SEPTIN7: variants seen among roughly 807,000 people sequenced by gnomAD.
SEPTIN7 encodes the protein septin 7.
In SEPTIN7, 10 loss-of-function variants were observed where a neutral mutation model predicts 63.3. The observed-to-expected ratio is 0.16, with a 90% confidence interval of 0.10 to 0.27. The LOEUF (loss-of-function observed/expected upper bound fraction) is 0.27, where lower values mean the gene tolerates loss of function less well. SEPTIN7 is among the 10% of genes least tolerant of loss of function. The probability of loss-of-function intolerance (pLI) is 1.00; values close to 1 mark genes in which losing one functional copy is unlikely to be tolerated. For missense variants in SEPTIN7, 310 were observed against 521.0 expected (o/e 0.59, Z 3.94); for synonymous variants, 131 against 165.3 (o/e 0.79, Z 1.59).
chr7:35,824,430 G>C (rs2115822733), intron 1 of SEPTIN7, among the ~76,000 whole-genome samples: 2 of 152,180 alleles, frequency 1.3e-5, no homozygotes, highest in East Asian at 3.9e-4. Context: ...GCTGTATTTG[G>C]ATTCATATCC....
chr7:35,915,693 G>A, the SEPTIN7 span, among the ~76,000 whole-genome samples: 1 of 152,146 alleles, frequency 6.6e-6, no homozygotes, highest in Non-Finnish European at 1.5e-5. Context: ...CCGCAAACAG[G>A]CCTTGTTCCT....
the SEPTIN7 span, among the ~76,000 whole-genome samples, chr7:35,912,824 T>C: frequency 6.6e-6 from 1 of 152,274 alleles, no homozygotes; most frequent in East Asian, 1.9e-4. Context: ...TTAATAATAG[T>C]ACTTACTTTA....
chr7:35,903,604 T>A (rs893093669), intron 13 of SEPTIN7, among the ~76,000 whole-genome samples: 1 of 152,196 alleles, frequency 6.6e-6, no homozygotes, highest in Non-Finnish European at 1.5e-5. Flanking sequence ...GTTTTAACTG[T>A]TGAATTATGT....
In SEPTIN7 at chr7:35,906,500, C is replaced by T. The variant is rs573191774; in HGVS notation, c.*2207C>T. ...GCAAAATGGCAGTGTCTGTTCTCCA[C>T]TGTTGGAGGCATTATGTAATTTAAG... On this transcript the variant is annotated 3_prime_UTR_variant, in exon 14 of 14. Coordinates refer to ENST00000350320, the MANE Select transcript of SEPTIN7 (RefSeq NM_001788.6). The T allele has an allele frequency of 6.6e-6, 1 of 152,362 alleles. No individual in the cohort carries two copies. Among genetic ancestry groups the T allele is most frequent in the East Asian group, 1.9e-4 (1 of 5,192 alleles). 9.4% of individuals were successfully genotyped at this position (152,362 alleles called of 1,614,324 possible). A position where few individuals can be genotyped will look rare whatever the true frequency, so the allele number is the denominator to read the frequency against.
chr7:35,841,342 G>C (rs1047420986), intron 3 of SEPTIN7, among the ~76,000 whole-genome samples: 1 of 152,232 alleles, frequency 6.6e-6, no homozygotes, highest in South Asian at 2.1e-4. Context: ...AAAGTCATCA[G>C]TGTGATTTTA....
chr7:35,899,715 C>A (rs1239377819), intron 12 of SEPTIN7: 1 of 151,934 alleles, frequency 6.6e-6, no homozygotes, highest in Non-Finnish European at 1.5e-5. Context: ...AGACCCAATC[C>A]CTATAAAAAA....
At chr7:35,888,192 C>G (rs79415469) in intron 10 of SEPTIN7, among the ~76,000 whole-genome samples, 1,742 of 152,152 alleles carry the variant, frequency 0.011, 15 homozygotes, top group Middle Eastern at 0.02. Flanking sequence ...ATTCCTGAAA[C>G]TGTGGGGAAA....
intron 3 of SEPTIN7, among the ~76,000 whole-genome samples, chr7:35,856,759 G>C (rs78514487): frequency 6.6e-6 from 1 of 152,054 alleles, no homozygotes; most frequent in African/African-American, 2.4e-5. Flanking sequence ...GTGGGGAGAT[G>C]GTCTTGGTTA....
chr7:35,808,432 ATTC>A (rs546274011), intron 1 of SEPTIN7, among the ~76,000 whole-genome samples: 1 of 152,192 alleles, frequency 6.6e-6, no homozygotes, highest in Non-Finnish European at 1.5e-5. Context: ...GAGCATTCTT[ATTC>A]TTTTATACAG....
chr7:35,865,157 A>T (rs1443431944), intron 4 of SEPTIN7, among the ~76,000 whole-genome samples: 1 of 152,146 alleles, frequency 6.6e-6, no homozygotes, highest in Non-Finnish European at 1.5e-5. Context: ...AAGCAAGAAA[A>T]TGAACTTTGA....
intron 7 of SEPTIN7, among the ~76,000 whole-genome samples, chr7:35,880,604 T>C (rs1304250280): frequency 6.6e-6 from 1 of 152,104 alleles, no homozygotes; most frequent in East Asian, 1.9e-4. Context: ...GGGTTCTTTT[T>C]ATTCTGGATA....
At chr7:35,830,260 G>A (rs1405180773) in intron 1 of SEPTIN7, among the ~76,000 whole-genome samples, 1 of 152,094 alleles carries the variant, frequency 6.6e-6, no homozygotes, top group African/African-American at 2.4e-5. Flanking sequence ...CTGTATGTTT[G>A]GGGGGTAGTT....
intron 4 of SEPTIN7, among the ~76,000 whole-genome samples, chr7:35,868,134 C>T (rs1219532398): frequency 2.0e-5 from 3 of 152,002 alleles, no homozygotes; most frequent in Non-Finnish European, 4.4e-5. Flanking sequence ...CCTCCGAAAG[C>T]GCTGGGATTA....
At chr7:35,911,524 A>T (rs1297519168), downstream of SEPTIN7, among the ~76,000 whole-genome samples, 1 of 152,246 alleles carries the variant, frequency 6.6e-6, no homozygotes, top group African/African-American at 2.4e-5. Context: ...CTATGGAATC[A>T]TTATTAATTG....
chr7:35,826,744 A>T (rs926205863), intron 1 of SEPTIN7, among the ~76,000 whole-genome samples: 10 of 152,118 alleles, frequency 6.6e-5, no homozygotes, highest in Admixed American at 1.3e-4. Context: ...AAGCATATTT[A>T]ATAGTTTTCA....
At chr7:35,913,405 CTCTT>C in the SEPTIN7 span, among the ~76,000 whole-genome samples, 5 of 149,676 alleles carry the variant, frequency 3.3e-5, no homozygotes, top group African/African-American at 4.9e-5. Context: ...TTCTTTCTTT[CTCTT>C]TCTTTCTTTC....
intron 10 of SEPTIN7, among the ~76,000 whole-genome samples, chr7:35,889,730 G>A (rs1459565585): frequency 1.3e-5 from 2 of 152,106 alleles, no homozygotes; most frequent in African/African-American, 4.8e-5. Flanking sequence ...TTTTAGTAGA[G>A]ATGGGGTTCC....
intron 1 of SEPTIN7, among the ~76,000 whole-genome samples, chr7:35,824,897 T>C (rs1399501613): frequency 2.6e-5 from 4 of 152,128 alleles, no homozygotes; most frequent in African/African-American, 7.2e-5. Context: ...TTGATTCTTA[T>C]ACTAAGTCTT....
chr7:35,904,588 T>G lies in SEPTIN7; in HGVS notation c.*295T>G. On this transcript the variant is annotated 3_prime_UTR_variant, in exon 14 of 14. Transcript: ENST00000350320. ...AGAACATTTTACTGTTGTACAATCA[T>G]GTTCTGGTGGTTTGATTGTTTACAG... is the stretch of plus-strand genomic sequence containing the variant. 1 of 231,032 alleles carries G rather than the reference T, an allele frequency of 4.3e-6. No homozygotes were observed. The highest frequency in any genetic ancestry group is 8.3e-6 in the Non-Finnish European group (1 of 119,902). 14.3% of individuals were successfully genotyped at this position (231,032 alleles called of 1,614,324 possible). A position where few individuals can be genotyped will look rare whatever the true frequency, so the allele number is the denominator to read the frequency against.
Sources: gnomAD v4.1 joint callset for allele counts (sites outside exome capture counted in the v4.1 genomes callset) on GRCh38, gnomAD v4.1.1 for gene constraint, MANE v1.5 for transcripts, NCBI Gene and HGNC (gene_info 2026-07-23, HGNC 2026-07-21) for gene names.